Variants in DNAH14 observed in about 807,000 individuals in gnomAD.
DNAH14 encodes dynein axonemal heavy chain 14, also known as axonemal beta dynein heavy chain 14.
DNAH14 carries 478 observed loss-of-function variants against 520.9 expected under a neutral mutation model. That is an observed-to-expected ratio of 0.92 (90% CI 0.85 to 0.99). The LOEUF (loss-of-function observed/expected upper bound fraction) is 0.99. Among genes scored for constraint, DNAH14 ranks in the 50% least tolerant of loss-of-function variants. The pLI is 0.00. For synonymous variants in DNAH14, 1,581 were observed against 1,757.2 expected (o/e 0.90, Z 2.51); for missense variants, 4,831 against 5,234.5 (o/e 0.92, Z 2.38).
chr1:225,340,120 T>C (rs2095148213), intron 68 of DNAH14, among the ~76,000 whole-genome samples: 1 of 152,010 alleles, frequency 6.6e-6, no homozygotes. Context: ...ACTCCTCAAA[T>C]CCCTCCATTG....
At chr1:225,224,294 G>T (rs542607690) in intron 41 of DNAH14, among the ~76,000 whole-genome samples, 2 of 151,298 alleles carry the variant, frequency 1.3e-5, no homozygotes, top group South Asian at 4.2e-4. Context: ...CAACTAGATT[G>T]CATAGACCCG....
chr1:225,020,794 C>A (rs758320839), intron 10 of DNAH14, among the ~76,000 whole-genome samples: 1 of 152,132 alleles, frequency 6.6e-6, no homozygotes, highest in Non-Finnish European at 1.5e-5. Context: ...AGGAAGGACT[C>A]CTCCGTAACT....
intron 1 of DNAH14, among the ~76,000 whole-genome samples, chr1:224,936,780 C>T (rs771109752): frequency 7.9e-5 from 12 of 151,778 alleles, no homozygotes; most frequent in South Asian, 2.1e-4. Flanking sequence ...GAAAACTATA[C>T]GCAAGTATCA....
intron 23 of DNAH14, among the ~76,000 whole-genome samples, chr1:225,106,306 C>T (rs1278692198): frequency 2.0e-5 from 3 of 151,848 alleles, no homozygotes; most frequent in South Asian, 2.1e-4. Flanking sequence ...TCTCTGGCTG[C>T]CCTTAACATT....
At chr1:225,075,991 A>AGCCTGGGTCAACAGATAGGAAG (rs372178554) in intron 17 of DNAH14, among the ~76,000 whole-genome samples, 1 of 152,006 alleles carries the variant, frequency 6.6e-6, no homozygotes, top group Non-Finnish European at 1.5e-5. Context: ...TGGCTGGTCC[A>AGCCTGGGTCAACAGATAGGAAG]GCCTAGGGCC....
intron 1 of DNAH14, among the ~76,000 whole-genome samples, chr1:224,946,881 A>G (rs1571964150): frequency 9.1e-6 from 1 of 110,406 alleles, no homozygotes; most frequent in African/African-American, 3.4e-5. Flanking sequence ...AACTGATTTG[A>G]TATGTTACTT....
At position 225,085,538 on chromosome 1, in the gene DNAH14, T is replaced by G; in HGVS notation, c.3328-6T>G. The G allele has an allele frequency of 6.5e-7, 1 of 1,537,810 alleles. No homozygotes were observed. The highest frequency in any genetic ancestry group is 2.5e-5 in the East Asian group (1 of 40,730). On this transcript the variant is annotated splice_polypyrimidine_tract_variant and splice_region_variant and intron_variant, in intron 20 of 85. Coordinates refer to ENST00000682510, the MANE Select transcript of DNAH14 (RefSeq NM_001367479.1). The stretch of plus-strand genomic sequence containing the variant: ...TGGATACTAAAGAATACTTTGTTCA[T>G]TTTAGATGTTTCAGTATGAAAATGA...
At chr1:225,113,359 GC>G (rs2076624058) in intron 23 of DNAH14, among the ~76,000 whole-genome samples, 1 of 152,158 alleles carries the variant, frequency 6.6e-6, no homozygotes, top group Admixed American at 6.5e-5. Context: ...GTGCTGAGCT[GC>G]CTGGAACTGG....
intron 55 of DNAH14, among the ~76,000 whole-genome samples, chr1:225,299,225 C>A (rs2094085659): frequency 6.6e-6 from 1 of 152,162 alleles, no homozygotes; most frequent in Non-Finnish European, 1.5e-5. Context: ...ACAAAGTATA[C>A]TCTTCCATGT....
intron 43 of DNAH14, among the ~76,000 whole-genome samples, chr1:225,246,969 A>G (rs528374505): frequency 6.6e-6 from 1 of 152,348 alleles, no homozygotes; most frequent in Admixed American, 6.5e-5. Flanking sequence ...AAGACTTGGA[A>G]TGAACCCAAA....
intron 27 of DNAH14, 157 bp from the exon 28 acceptor site, chr1:225,140,611 T>C (rs751130454): frequency 1.7e-5 from 10 of 592,142 alleles, no homozygotes; most frequent in Non-Finnish European, 2.5e-5. Flanking sequence ...TCTTTAGCCC[T>C]CAAATACACA....
chr1:224,976,327 G>A (rs1195866760), intron 8 of DNAH14, among the ~76,000 whole-genome samples: 3 of 152,162 alleles, frequency 2.0e-5, no homozygotes, highest in East Asian at 3.9e-4. Context: ...ACAGTGGGGT[G>A]TTAAAGTCTC....
intron 82 of DNAH14, among the ~76,000 whole-genome samples, chr1:225,388,749 G>A (rs779316914): frequency 2.6e-5 from 4 of 152,134 alleles, no homozygotes. Flanking sequence ...TGCACAGGGT[G>A]AAATGTGAAA....
At chr1:225,377,518 G>A in intron 79 of DNAH14, 82 bp downstream of exon 79, 1 of 1,365,084 alleles carries the variant, frequency 7.3e-7, no homozygotes, top group Non-Finnish European at 9.9e-7. Flanking sequence ...CCAGCACCTT[G>A]GGAGGCTGAG....
intron 17 of DNAH14, among the ~76,000 whole-genome samples, chr1:225,065,656 C>T (rs544498900): frequency 1.3e-5 from 2 of 152,112 alleles, no homozygotes; most frequent in Admixed American, 6.5e-5. Flanking sequence ...TTTTATTTAG[C>T]ATGTCTTCCA....
In DNAH14 at chr1:224,991,086, T is replaced by A. The variant is rs1233767126; in HGVS notation, c.831-11697T>A. Among the ~76,000 whole-genome samples the A allele has an allele frequency of 6.7e-3, 574 of 85,646 alleles. 9 individuals are homozygous for A. Among genetic ancestry groups the A allele is most frequent in the African/African-American group, 0.031 (332 of 10,800 alleles). The allele number at this position is 85,646 out of a possible 152,430, so 56.2% of individuals were successfully genotyped here. On this transcript the variant is annotated intron_variant, in intron 8 of 85. Coordinates refer to ENST00000682510, the MANE Select transcript of DNAH14 (RefSeq NM_001367479.1). ...CCCTAATGATTAGTGATGTTGAGCT[T>A]TTTTTTTTTTTTTTTTTTTTTTTTT...
At chr1:225,019,945 G>T (rs1407604531) in intron 10 of DNAH14, among the ~76,000 whole-genome samples, 1 of 151,822 alleles carries the variant, frequency 6.6e-6, no homozygotes, top group East Asian at 1.9e-4. Context: ...TGCACCTAGA[G>T]GAACCAGAAA....
chr1:225,056,921 T>C (rs1308998606), intron 17 of DNAH14, among the ~76,000 whole-genome samples: 1 of 152,224 alleles, frequency 6.6e-6, no homozygotes, highest in Non-Finnish European at 1.5e-5. Context: ...CCATGCTGTT[T>C]CGGTTACTGT....
At position 225,278,878 on chromosome 1, in the gene DNAH14, G is replaced by A. The variant is rs180892079; in HGVS notation, c.8271+1376G>A. 7.9e-5 allele frequency among the ~76,000 whole-genome samples: 12 copies of A among 152,298 alleles called. No homozygotes were observed. In the East Asian group the frequency reaches 2.1e-3, roughly 27 times the overall value. ...GCCTTAATAGTTTCTCTGTAGATGT[G>A]TTATCACAAACCTATCTTCCCTCTC... On this transcript the variant is annotated intron_variant, in intron 54 of 85. Transcript: ENST00000682510.
Sources: gnomAD v4.1 joint callset for allele counts (sites outside exome capture counted in the v4.1 genomes callset) on GRCh38, gnomAD v4.1.1 for gene constraint, MANE v1.5 for transcripts, NCBI Gene and HGNC (gene_info 2026-07-23, HGNC 2026-07-21) for gene names.